Variants in STXBP4 observed in about 807,000 individuals in gnomAD.
STXBP4 encodes the protein syntaxin binding protein 4.
STXBP4 carries 55 observed loss-of-function variants against 76.1 expected under a neutral mutation model. The observed-to-expected ratio is 0.72, with a 90% CI of 0.58 to 0.91. The LOEUF is 0.91. Among genes scored for constraint, STXBP4 ranks in the 40% least tolerant of loss-of-function variants. STXBP4 has a pLI of 0.00. For missense variants in STXBP4, 618 were observed against 636.9 expected, an observed-to-expected ratio of 0.97 and a Z score of 0.32; for synonymous variants, 201 against 220.2, an observed-to-expected ratio of 0.91 and a Z score of 0.77.
chr17:55,059,118 T>G (rs1467825786), intron 12 of STXBP4, among the ~76,000 whole-genome samples: 1 of 152,116 alleles, frequency 6.6e-6, no homozygotes, highest in Non-Finnish European at 1.5e-5. Context: ...TTGTCCATAC[T>G]TATTTTATGG....
chr17:55,185,246 CTTCTCCTT>C, the STXBP4 span, among the ~76,000 whole-genome samples: 1 of 47,730 alleles, frequency 2.1e-5, no homozygotes, highest in East Asian at 5.1e-4. Context: ...TCTTCTTCTT[CTTCTCCTT>C]CTCCTTCTCC....
At chr17:55,111,858 C>T (rs1245679983) in intron 16 of STXBP4, among the ~76,000 whole-genome samples, 1 of 152,124 alleles carries the variant, frequency 6.6e-6, no homozygotes, top group Non-Finnish European at 1.5e-5. Context: ...GGTATTCCTT[C>T]AGACCTTCAC....
chr17:55,050,009 A>G (rs2078839117), intron 12 of STXBP4, among the ~76,000 whole-genome samples: 1 of 152,110 alleles, frequency 6.6e-6, no homozygotes, highest in Admixed American at 6.6e-5. Context: ...TGAAGCAAGT[A>G]TAGCGTTGAT....
At chr17:55,175,303 C>G (rs1418413787), downstream of STXBP4, among the ~76,000 whole-genome samples, 1 of 152,174 alleles carries the variant, frequency 6.6e-6, no homozygotes, top group Non-Finnish European at 1.5e-5. Flanking sequence ...CCTGCTGATG[C>G]TCATAGCAGA....
At chr17:55,091,138 C>A (rs1161698228) in intron 16 of STXBP4, among the ~76,000 whole-genome samples, 3 of 152,078 alleles carry the variant, frequency 2.0e-5, no homozygotes, top group African/African-American at 7.2e-5. Context: ...TAAAAAATCC[C>A]TCCAGTTTAT....
chr17:55,002,521 A>G (rs1305853996), intron 7 of STXBP4, among the ~76,000 whole-genome samples: 2 of 152,228 alleles, frequency 1.3e-5, no homozygotes, highest in Non-Finnish European at 2.9e-5. Context: ...TTATTTTATC[A>G]AGCAGCTACT....
chr17:55,039,934 G>T (rs999717281), intron 10 of STXBP4, among the ~76,000 whole-genome samples: 5 of 152,104 alleles, frequency 3.3e-5, no homozygotes, highest in African/African-American at 1.2e-4. Flanking sequence ...TAGACACTGG[G>T]AAGGAATTTG....
intron 16 of STXBP4, among the ~76,000 whole-genome samples, chr17:55,107,142 T>G (rs2079645354): frequency 6.6e-6 from 1 of 152,150 alleles, no homozygotes; most frequent in African/African-American, 2.4e-5. Flanking sequence ...TCCTTTTCAT[T>G]CTTTCTTCTC....
At chr17:55,086,445 ATTG>A in intron 16 of STXBP4, among the ~76,000 whole-genome samples, 1 of 152,252 alleles carries the variant, frequency 6.6e-6, no homozygotes, top group South Asian at 2.1e-4. Context: ...ATAGTACATT[ATTG>A]TTAACTATAC....
intron 12 of STXBP4, among the ~76,000 whole-genome samples, chr17:55,060,291 C>G (rs926407379): frequency 5.9e-5 from 9 of 151,980 alleles, no homozygotes; most frequent in Non-Finnish European, 1.2e-4. Flanking sequence ...TGAAAGAGTT[C>G]CTATGCTTTA....
chr17:55,149,991 T>C (rs1383786656), intron 17 of STXBP4, among the ~76,000 whole-genome samples: 1 of 152,172 alleles, frequency 6.6e-6, no homozygotes, highest in African/African-American at 2.4e-5. Context: ...TCACATTTCA[T>C]TGAGATATTA....
chr17:55,173,942 G>T (rs569618265), downstream of STXBP4, among the ~76,000 whole-genome samples: 1 of 152,274 alleles, frequency 6.6e-6, no homozygotes, highest in South Asian at 2.1e-4. Flanking sequence ...TGCAAAGCCA[G>T]CAATGGCCAG....
chr17:55,203,888 A>G, the STXBP4 span, among the ~76,000 whole-genome samples: 3 of 150,896 alleles, frequency 2.0e-5, no homozygotes, highest in South Asian at 4.2e-4. Context: ...TTTTCTCTTT[A>G]TCTTTGGTAA....
chr17:55,091,609 C>T (rs1367781159), intron 16 of STXBP4, among the ~76,000 whole-genome samples: 1 of 152,052 alleles, frequency 6.6e-6, no homozygotes, highest in Non-Finnish European at 1.5e-5. Flanking sequence ...CAAAACAAAA[C>T]AAAACACCCT....
chr17:55,119,548 C>T (rs935467649), intron 16 of STXBP4, among the ~76,000 whole-genome samples: 5 of 151,956 alleles, frequency 3.3e-5, no homozygotes, highest in African/African-American at 1.2e-4. Flanking sequence ...TACAAGAACC[C>T]TAGAACTAGA....
chr17:54,986,032 A>G, intron 2 of STXBP4, 110 bp from the exon 3 acceptor site: 1 of 595,554 alleles, frequency 1.7e-6, no homozygotes, highest in Non-Finnish European at 3.0e-6. Flanking sequence ...ATCTATATAC[A>G]GGCTTATATT....
the STXBP4 span, among the ~76,000 whole-genome samples, chr17:55,209,406 G>A: frequency 4.6e-5 from 7 of 152,238 alleles, no homozygotes; most frequent in East Asian, 3.9e-4. Context: ...CAGCTGAGGC[G>A]CATCCAAACC....
intron 16 of STXBP4, among the ~76,000 whole-genome samples, chr17:55,106,748 G>T (rs11871621): frequency 0.014 from 2,173 of 152,198 alleles, 47 homozygotes; most frequent in African/African-American, 0.049. Context: ...ATGAAATTCT[G>T]GGTTGAAAAT....
chr17:55,013,059 G>C (rs2078142182), intron 8 of STXBP4, among the ~76,000 whole-genome samples: 1 of 152,178 alleles, frequency 6.6e-6, no homozygotes, highest in Non-Finnish European at 1.5e-5. Context: ...CACCTCATGA[G>C]ATGTCCACAC....
Sources: gnomAD v4.1 joint callset for allele counts (sites outside exome capture counted in the v4.1 genomes callset) on GRCh38, gnomAD v4.1.1 for gene constraint, MANE v1.5 for transcripts, NCBI Gene and HGNC (gene_info 2026-07-23, HGNC 2026-07-21) for gene names.